FUT8: variants seen among roughly 807,000 people sequenced by gnomAD.
The protein encoded by FUT8 is fucosyltransferase 8.
A neutral mutation model predicts 71.3 loss-of-function variants in FUT8; 29 were observed. The ratio of observed to expected loss-of-function variants is 0.41; its 90% CI spans 0.30 to 0.55. FUT8 has a LOEUF of 0.55. FUT8 is among the 20% of genes least tolerant of loss of function. FUT8 has a pLI of 0.34. For synonymous variants in FUT8, 254 were observed against 239.3 expected, an observed-to-expected ratio of 1.06 and a Z score of -0.57; for missense variants, 544 against 702.1, an observed-to-expected ratio of 0.77 and a Z score of 2.55.
chr14:65,524,458 T>C (rs1359264131), intron 2 of FUT8, among the ~76,000 whole-genome samples: 6 of 152,324 alleles, frequency 3.9e-5, no homozygotes, highest in African/African-American at 1.4e-4. Context: ...GCTTATCAGG[T>C]TAAGGAGATT....
intron 2 of FUT8, among the ~76,000 whole-genome samples, chr14:65,538,911 ACT>A (rs749436870): frequency 1.2e-4 from 18 of 152,058 alleles, no homozygotes; most frequent in African/African-American, 2.7e-4. Context: ...ACAGAGCAAG[ACT>A]CTGTCTCAAA....
At chr14:65,385,863 AAGTTC>A in the FUT8 span, among the ~76,000 whole-genome samples, 1 of 151,942 alleles carries the variant, frequency 6.6e-6, no homozygotes, top group Non-Finnish European at 1.5e-5. Context: ...GCATTTTAAG[AAGTTC>A]AGTCCAGCCA....
chr14:65,677,786 C>G (rs1189359729), intron 7 of FUT8, among the ~76,000 whole-genome samples: 2 of 152,074 alleles, frequency 1.3e-5, no homozygotes, highest in Non-Finnish European at 2.9e-5. Flanking sequence ...TCTTCAGGAA[C>G]TTGTCATTGA....
At chr14:65,458,410 T>C (rs2065925717) in intron 2 of FUT8, among the ~76,000 whole-genome samples, 1 of 132,118 alleles carries the variant, frequency 7.6e-6, no homozygotes, top group African/African-American at 2.9e-5. Context: ...CAGTTTAAAC[T>C]TTCTTGAATG....
chr14:65,672,078 A>G (rs924626874), intron 7 of FUT8, among the ~76,000 whole-genome samples: 2 of 152,226 alleles, frequency 1.3e-5, no homozygotes, highest in Non-Finnish European at 2.9e-5. Flanking sequence ...TGATCATTTC[A>G]TAGCTATATC....
chr14:65,712,749 T>G (rs1352643477), intron 7 of FUT8, among the ~76,000 whole-genome samples: 1 of 152,106 alleles, frequency 6.6e-6, no homozygotes, highest in Non-Finnish European at 1.5e-5. Context: ...CTGGTGAAAA[T>G]ATAGTTTTTT....
chr14:65,519,271 T>C (rs1882926088), intron 2 of FUT8, among the ~76,000 whole-genome samples: 1 of 152,220 alleles, frequency 6.6e-6, no homozygotes. Context: ...TCGGTTATGG[T>C]AATACATAGA....
At chr14:65,689,337 TTA>T (rs1362621865) in intron 7 of FUT8, among the ~76,000 whole-genome samples, 6 of 152,226 alleles carry the variant, frequency 3.9e-5, no homozygotes, top group Non-Finnish European at 4.4e-5. Context: ...TTTGCCCATT[TTA>T]TAATTGGGTT....
At chr14:65,441,237 A>T (rs1474704898) in intron 1 of FUT8, among the ~76,000 whole-genome samples, 1 of 152,168 alleles carries the variant, frequency 6.6e-6, no homozygotes, top group Admixed American at 6.5e-5. Flanking sequence ...ACTGTAGAGG[A>T]TGTTTGTGGA....
rs562313367 is a variant in FUT8 at position 65,573,852 on chromosome 14, C to G, written c.203+12086C>G. Reference sequence around the variant, plus strand: ...ATAAAATGCATCTGATTGTTTATATCTTGTCTGTTAAATGGTATTTAGTTA... The same window carrying G: ...ATAAAATGCATCTGATTGTTTATATGTTGTCTGTTAAATGGTATTTAGTTA... On this transcript the variant is annotated intron_variant, in intron 3 of 10. Transcript: ENST00000673929. 3.9e-5 allele frequency among the ~76,000 whole-genome samples: 6 copies of G among 151,932 alleles called. No individual in the cohort carries two copies. The South Asian group carries it at 1.3e-3, about 32-fold the overall frequency.
chr14:65,529,416 A>T (rs1199343338), intron 2 of FUT8: 1 of 152,228 alleles, frequency 6.6e-6, no homozygotes, highest in Admixed American at 6.6e-5. Context: ...TATTTTTAGT[A>T]GAGACGGGGT....
At chr14:65,420,578 A>G (rs1184638409) in intron 1 of FUT8, among the ~76,000 whole-genome samples, 2 of 152,000 alleles carry the variant, frequency 1.3e-5, no homozygotes, top group African/African-American at 2.4e-5. Context: ...CTGCTTGTAA[A>G]TGCACGGTTG....
chr14:65,732,069 G>T (rs1896009899), intron 9 of FUT8, among the ~76,000 whole-genome samples: 1 of 152,048 alleles, frequency 6.6e-6, no homozygotes, highest in Non-Finnish European at 1.5e-5. Context: ...AACTATTTCT[G>T]GTTGTTTTCT....
At position 65,742,252 on chromosome 14, in the gene FUT8, G is replaced by A. The variant is rs1324629668; in HGVS notation, c.1570G>A (p.Glu524Lys). Residue 524 changes from glutamate (E) to lysine (K), a missense_variant, in exon 11 of 11, where the codon GAA (glutamate) becomes AAA (lysine). By Grantham distance (56) the Glu-to-Lys change is moderately conservative. Transcript: ENST00000673929. ...QPRTADEIPM[E>K]PGDIIGVAGN... ...CCGAACTGCAGATGAAATTCCCATG[G>A]AACCTGGAGATATCATTGGTGTGGC... The A allele has an allele frequency of 6.2e-7, 1 of 1,612,924 alleles. No homozygotes were observed. The highest frequency in any genetic ancestry group is 8.5e-7 in the Non-Finnish European group (1 of 1,179,380).
chr14:65,739,827 A>G (rs533296572), intron 10 of FUT8, among the ~76,000 whole-genome samples: 3 of 152,232 alleles, frequency 2.0e-5, no homozygotes, highest in Admixed American at 1.3e-4. Context: ...ACTTATTAGT[A>G]TAACCTTGAG....
chr14:65,552,911 G>C (rs1459117926), intron 2 of FUT8, among the ~76,000 whole-genome samples: 1 of 152,160 alleles, frequency 6.6e-6, no homozygotes, highest in Admixed American at 6.5e-5. Flanking sequence ...CTAGACACAG[G>C]TAGCTATTGA....
the FUT8 span, among the ~76,000 whole-genome samples, chr14:65,395,021 C>T: frequency 7.9e-5 from 12 of 152,318 alleles, no homozygotes; most frequent in Admixed American, 2.6e-4. Flanking sequence ...GGATTACAGG[C>T]GTGAGCCACC....
intron 2 of FUT8, among the ~76,000 whole-genome samples, chr14:65,530,274 A>G (rs886411252): frequency 6.6e-6 from 1 of 152,198 alleles, no homozygotes; most frequent in Non-Finnish European, 1.5e-5. Flanking sequence ...GAGAAATCTC[A>G]GGCAATTATA....
At chr14:65,705,823 T>A (rs1469044682) in intron 7 of FUT8, among the ~76,000 whole-genome samples, 1 of 152,202 alleles carries the variant, frequency 6.6e-6, no homozygotes, top group Non-Finnish European at 1.5e-5. Context: ...TTATTGAATA[T>A]TTTGAAAAGG....
Sources: gnomAD v4.1 joint callset for allele counts (sites outside exome capture counted in the v4.1 genomes callset) on GRCh38, gnomAD v4.1.1 for gene constraint, MANE v1.5 for transcripts, NCBI Gene and HGNC (gene_info 2026-07-23, HGNC 2026-07-21) for gene names.